EWSR1: variants seen among roughly 807,000 people sequenced by gnomAD.
The protein encoded by EWSR1 is RNA-binding protein EWS.
In EWSR1, 14 loss-of-function variants were observed where a neutral mutation model predicts 92.1. The observed-to-expected ratio is 0.15, with a 90% CI of 0.10 to 0.24. EWSR1 has a LOEUF of 0.24. Ranked by LOEUF, EWSR1 falls within the 10% of genes least tolerant of loss-of-function variation. The pLI is 1.00. For missense variants in EWSR1, 637 were observed against 870.9 expected (o/e 0.73, Z 3.38); for synonymous variants, 303 against 292.9 (o/e 1.03, Z -0.35).
chr22:29,275,108 T>A (rs935786257), intron 4 of EWSR1, among the ~76,000 whole-genome samples: 2 of 152,234 alleles, frequency 1.3e-5, no homozygotes, highest in African/African-American at 4.8e-5. Flanking sequence ...GAAATGTTTA[T>A]CTAAACTTTC....
intron 12 of EWSR1, 31 bp downstream of exon 12, chr22:29,296,399 C>A: frequency 1.9e-6 from 3 of 1,611,764 alleles, no homozygotes; most frequent in Non-Finnish European, 2.5e-6. Context: ...TTCTTAATCT[C>A]CCTGGCTATA....
chr22:29,277,398 AAG>A (rs1287739681), intron 4 of EWSR1: 1 of 223,138 alleles, frequency 4.5e-6, no homozygotes, highest in Admixed American at 5.7e-5. Context: ...TTTACAAAAA[AAG>A]GATAAACTGT....
intron 1 of EWSR1, among the ~76,000 whole-genome samples, 167 bp downstream of exon 1, chr22:29,268,516 C>G (rs1404205777): frequency 1.3e-5 from 2 of 152,196 alleles, no homozygotes; most frequent in African/African-American, 2.4e-5. Context: ...CTCCCCTCCC[C>G]CAACCGGGCG....
At position 29,299,327 on chromosome 22, in the gene EWSR1, C is replaced by T. The variant is rs373600548; in HGVS notation, c.1674C>T (p.Pro558=). Residue 558 remains proline, a synonymous_variant, in exon 15 of 17, where the codon CCC becomes CCT. Coordinates refer to ENST00000397938, the MANE Select transcript of EWSR1 (RefSeq NM_005243.4). ...PEGFLPPPFP[P]PGGDRGRGGP... ...GCTTCCTCCCGCCACCCTTTCCGCC[C>T]CCGGGTAGGTGCAGGTTTCATGAGT... The T allele has an allele frequency of 2.5e-6, 4 of 1,613,464 alleles. No homozygotes were observed. The highest frequency in any genetic ancestry group is 3.4e-6 in the Non-Finnish European group (4 of 1,179,450).
chr22:29,292,627 G>A, intron 11 of EWSR1, 21 bp downstream of exon 11: 1 of 1,484,634 alleles, frequency 6.7e-7, no homozygotes, highest in South Asian at 1.1e-5. Flanking sequence ...GCATAACCAG[G>A]TCATCTGGCA....
intron 4 of EWSR1, among the ~76,000 whole-genome samples, chr22:29,274,734 TA>T (rs146431094): frequency 0.051 from 7,720 of 152,242 alleles, 286 homozygotes; most frequent in African/African-American, 0.1. Context: ...ATGTCTTGAA[TA>T]TATATAACAT....
chr22:29,283,559 C>G (rs895067000), intron 6 of EWSR1, among the ~76,000 whole-genome samples: 1 of 150,924 alleles, frequency 6.6e-6, no homozygotes, highest in Non-Finnish European at 1.5e-5. Flanking sequence ...GAGTTTCGCT[C>G]TTGTTGCCCA....
At chr22:29,299,444 T>C in intron 15 of EWSR1, 113 bp downstream of exon 15, 1 of 1,493,948 alleles carries the variant, frequency 6.7e-7, no homozygotes, top group Non-Finnish European at 9.0e-7. Context: ...TGAGTTGTCG[T>C]GTCCTCATTT....
intron 4 of EWSR1, 199 bp from the exon 5 acceptor site, chr22:29,277,831 T>A (rs765759733): frequency 2.1e-4 from 116 of 555,132 alleles, no homozygotes; most frequent in Middle Eastern, 6.3e-4. Context: ...AGACAGTTAC[T>A]TTACCAAAAA....
chr22:29,292,168 A>C lies in EWSR1; in HGVS notation c.1044A>C (p.Leu348=). 1 of 1,613,900 alleles carries C rather than the reference A, an allele frequency of 6.2e-7. No homozygotes were observed. Among genetic ancestry groups the C allele is most frequent in the Non-Finnish European group, 8.5e-7 (1 of 1,179,762 alleles). ...GPMDEGPDLD[L]GPPVDPDEDS... is the part of the protein sequence containing the mutation. ...TGGATGAAGGACCAGATCTTGATCT[A>C]GGTAATTTTGAATTCTAGTTGTGCT... The change falls in exon 10 of 17, where the codon CTA becomes CTC. Residue 348 remains leucine, a splice_region_variant and synonymous_variant. Coordinates refer to ENST00000397938, the MANE Select transcript of EWSR1 (RefSeq NM_005243.4).
chr22:29,298,311 G>T (rs2061028253), intron 13 of EWSR1, among the ~76,000 whole-genome samples: 1 of 152,140 alleles, frequency 6.6e-6, no homozygotes, highest in African/African-American at 2.4e-5. Flanking sequence ...TTTAAGACCA[G>T]CCTGGCCAAC....
chr22:29,280,742 C>G (rs775577263), intron 5 of EWSR1, among the ~76,000 whole-genome samples: 1 of 149,978 alleles, frequency 6.7e-6, no homozygotes, highest in African/African-American at 2.5e-5. Context: ...GGCACAATCT[C>G]GGCTCGCTGG....
chr22:29,292,293 T>G, intron 10 of EWSR1, 124 bp downstream of exon 10: 1 of 1,152,144 alleles, frequency 8.7e-7, no homozygotes, highest in Non-Finnish European at 1.3e-6. Flanking sequence ...CAAGGACAGT[T>G]TGGGAAATCC....
chr22:29,268,328 G>A lies in EWSR1; in HGVS notation c.-9G>A, dbSNP rs375095904. The A allele has an allele frequency of 1.4e-4, 218 of 1,613,960 alleles. No homozygotes were observed. The highest frequency in any genetic ancestry group is 1.7e-4 in the Non-Finnish European group (197 of 1,179,932). On this transcript the variant is annotated 5_prime_UTR_variant, in exon 1 of 17. Coordinates refer to ENST00000397938, the MANE Select transcript of EWSR1 (RefSeq NM_005243.4). ...CGGACGTTGAGAGAACGAGGAGGAA[G>A]GAGAGAAAATGGCGTCCACGGGTGA...
In EWSR1 at chr22:29,275,010, C is replaced by G. The variant is rs140290826; in HGVS notation, c.226+1146C>G. On this transcript the variant is annotated intron_variant, in intron 4 of 16. Transcript: ENST00000397938. ...AGTCCAGTTAAGGGGAAAAACCTGT[C>G]TGTAATTTATCTCATTGAGTACCAG... Among the ~76,000 whole-genome samples, 257 of 152,288 alleles carry G rather than the reference C, an allele frequency of 1.7e-3. 1 individual carries two copies. Among genetic ancestry groups the G allele is most frequent in the African/African-American group, 5.7e-3 (238 of 41,552 alleles).
intron 4 of EWSR1, chr22:29,274,433 C>A: frequency 1.3e-6 from 1 of 756,472 alleles, no homozygotes; most frequent in Non-Finnish European, 2.3e-6. Flanking sequence ...GCTTCAGGTG[C>A]CATTTGCAGA....
chr22:29,288,936 G>A (rs1474349898), intron 8 of EWSR1, 150 bp downstream of exon 8: 1 of 741,452 alleles, frequency 1.3e-6, no homozygotes, highest in East Asian at 3.1e-5. Flanking sequence ...ACATGGAAAT[G>A]TCATCTTTGT....
chr22:29,270,151 A>G (rs1459566507), intron 1 of EWSR1, among the ~76,000 whole-genome samples: 2 of 152,340 alleles, frequency 1.3e-5, no homozygotes, highest in Admixed American at 6.5e-5. Flanking sequence ...CAACTCAGGT[A>G]GTGTGAAGCA....
intron 10 of EWSR1, 23 bp from the exon 11 acceptor site, chr22:29,292,465 T>A (rs1271944693): frequency 6.8e-7 from 1 of 1,478,512 alleles, no homozygotes. Flanking sequence ...ATAATAATTC[T>A]CCTGTCTTGT....
Sources: gnomAD v4.1 joint callset for allele counts (sites outside exome capture counted in the v4.1 genomes callset) on GRCh38, gnomAD v4.1.1 for gene constraint, MANE v1.5 for transcripts, NCBI Gene and HGNC (gene_info 2026-07-23, HGNC 2026-07-21) for gene names.